TWF1: variants seen among roughly 807,000 people sequenced by gnomAD.
The protein encoded by TWF1 is twinfilin actin binding protein 1, also known as twinfilin-1.
A neutral mutation model predicts 47.9 loss-of-function variants in TWF1; 14 were observed. The observed-to-expected ratio is 0.29, with a 90% confidence interval of 0.19 to 0.46. TWF1 has a LOEUF of 0.46. Among genes scored for constraint, TWF1 ranks in the 20% least tolerant of loss-of-function variants. The pLI, the probability that TWF1 is intolerant of heterozygous loss-of-function variation, is 1.00. For missense variants in TWF1, 281 were observed against 409.3 expected (o/e 0.69, Z 2.70); for synonymous variants, 96 against 139.2 (o/e 0.69, Z 2.18).
chr12:43,797,030 C>T lies in TWF1; in HGVS notation c.828G>A (p.Lys276=), dbSNP rs764948734. The T allele has an allele frequency of 2.5e-5, 41 of 1,611,776 alleles. No individual in the cohort carries two copies. Among genetic ancestry groups the T allele is most frequent in the Non-Finnish European group, 3.2e-5 (38 of 1,179,256 alleles). Reference sequence around the variant, plus strand: ...TTTCTACAATTTCTAGCAGACGGCTCTTGCAGCTAGAATACAGCATCCGCT... The same window carrying T: ...TTTCTACAATTTCTAGCAGACGGCTTTTGCAGCTAGAATACAGCATCCGCT... ...IRERMLYSSC[K]SRLLEIVERQ... The change falls in exon 8 of 9, where the codon AAG becomes AAA. Residue 276 remains lysine (K), a synonymous_variant. Coordinates refer to ENST00000395510, the MANE Select transcript of TWF1 (RefSeq NM_002822.5).
Position 43,793,899 on chromosome 12 carries a change from T to C in TWF1, c.*1686A>G, listed in dbSNP as rs1222307849. ...TGAGTTATACTCTATAACAAATGCATCACTGATTTTCAGCAATCATTGGTT... is the reference window on the plus strand; with the variant it reads ...TGAGTTATACTCTATAACAAATGCACCACTGATTTTCAGCAATCATTGGTT... On this transcript the variant is annotated 3_prime_UTR_variant, in exon 9 of 9. Coordinates refer to ENST00000395510, the MANE Select transcript of TWF1 (RefSeq NM_002822.5). 6.6e-5 allele frequency: 10 copies of C among 152,666 alleles called. No homozygotes were observed. Among genetic ancestry groups the C allele is most frequent in the African/African-American group, 2.4e-5 (1 of 41,458 alleles). The allele number at this position is 152,666 out of a possible 1,614,324, so 9.5% of individuals were successfully genotyped here.
At chr12:43,806,153 G>T in intron 1 of TWF1, 68 bp downstream of exon 1, 1 of 1,390,558 alleles carries the variant, frequency 7.2e-7, no homozygotes. Context: ...TGCCGGTCCT[G>T]CAGCCCTCCC....
intron 5 of TWF1, chr12:43,798,591 T>A (rs1942600278): frequency 2.0e-6 from 3 of 1,518,914 alleles, no homozygotes; most frequent in Non-Finnish European, 8.8e-7. Context: ...GGGCTCTGAT[T>A]GCAAGAAATA....
intron 1 of TWF1, chr12:43,805,896 A>G (rs1565703201): frequency 1.4e-6 from 2 of 1,468,538 alleles, no homozygotes; most frequent in Non-Finnish European, 1.8e-6. Flanking sequence ...CTACGTGACC[A>G]AAAGGGGGAA....
At chr12:43,805,270 A>G (rs866280136) in intron 1 of TWF1, among the ~76,000 whole-genome samples, 1 of 152,272 alleles carries the variant, frequency 6.6e-6, no homozygotes, top group South Asian at 2.1e-4. Flanking sequence ...GTCAATAACT[A>G]CATATTTATA....
intron 2 of TWF1, among the ~76,000 whole-genome samples, chr12:43,803,122 ATG>A (rs1225279037): frequency 2.0e-5 from 3 of 152,184 alleles, no homozygotes; most frequent in Non-Finnish European, 4.4e-5. Context: ...TGCAAAAATA[ATG>A]TGTGGCATAG....
At chr12:43,801,984 T>C (rs1250343909) in intron 3 of TWF1, among the ~76,000 whole-genome samples, 1 of 152,124 alleles carries the variant, frequency 6.6e-6, no homozygotes, top group Non-Finnish European at 1.5e-5. Flanking sequence ...GAGCCGAAAC[T>C]GCACCACAGC....
chr12:43,804,628 TA>T (rs1378754447), intron 1 of TWF1, 56 bp from the exon 2 acceptor site: 13 of 1,221,680 alleles, frequency 1.1e-5, no homozygotes, highest in Middle Eastern at 4.8e-4. Flanking sequence ...AATACTTTCC[TA>T]TCTATATTGG....
In TWF1 at chr12:43,795,726, A is replaced by G; in HGVS notation, c.912T>C (p.Thr304=). 6.2e-7 allele frequency: 1 copy of G among 1,613,968 alleles called. No individual in the cohort carries two copies. The highest frequency in any genetic ancestry group is 8.5e-7 in the Non-Finnish European group (1 of 1,179,856). Residue 304 remains threonine (T), a synonymous_variant, in exon 9 of 9, where the codon ACT becomes ACC. Coordinates refer to ENST00000395510, the MANE Select transcript of TWF1 (RefSeq NM_002822.5). The part of the protein sequence containing the change: ...KIEIDNGDEL[T]ADFLYEEVHP... ...GTACTTCTTCATAAAGGAAGTCTGC[A>G]GTCAACTCATCCCCATTGTCTATCT...
intron 2 of TWF1, among the ~76,000 whole-genome samples, chr12:43,803,979 G>T (rs1423080529): frequency 6.6e-6 from 1 of 152,058 alleles, no homozygotes; most frequent in African/African-American, 2.4e-5. Flanking sequence ...CCTGTTTACA[G>T]AATTATTTTT....
At chr12:43,801,199 C>T (rs1389021358) in intron 3 of TWF1, among the ~76,000 whole-genome samples, 27 of 152,084 alleles carry the variant, frequency 1.8e-4, no homozygotes, top group Admixed American at 1.4e-3. Flanking sequence ...TCAAAGATTA[C>T]GAATTAAGTT....
intron 7 of TWF1, 102 bp from the exon 8 acceptor site, chr12:43,797,199 A>C (rs1423570176): frequency 6.7e-7 from 1 of 1,482,104 alleles, no homozygotes; most frequent in Admixed American, 2.2e-5. Flanking sequence ...AAACTTCATA[A>C]AACTACAGCT....
intron 8 of TWF1, 39 bp from the exon 9 acceptor site, chr12:43,795,794 T>A (rs754819876): frequency 1.9e-6 from 3 of 1,599,466 alleles, no homozygotes; most frequent in Non-Finnish European, 2.6e-6. Flanking sequence ...ATTCAAAACC[T>A]AATACAAGCA....
intron 5 of TWF1, 110 bp from the exon 6 acceptor site, chr12:43,797,943 ATAAT>A: frequency 1.8e-6 from 2 of 1,126,486 alleles, no homozygotes; most frequent in Non-Finnish European, 2.5e-6. Flanking sequence ...AGCCCAACCT[ATAAT>A]TAAAATTATT....
intron 2 of TWF1, among the ~76,000 whole-genome samples, chr12:43,803,460 G>A (rs933180872): frequency 6.6e-6 from 1 of 152,006 alleles, no homozygotes; most frequent in Admixed American, 6.5e-5. Flanking sequence ...ATAAAGGGGA[G>A]ATATAGGTAT....
At chr12:43,804,337 T>C (rs530937157) in intron 2 of TWF1, 158 bp downstream of exon 2, 14 of 606,774 alleles carry the variant, frequency 2.3e-5, no homozygotes, top group African/African-American at 3.8e-5. Flanking sequence ...TAGGGGCCCA[T>C]AGGGACCTGC....
In TWF1 at chr12:43,794,327, T is replaced by C. The variant is rs1942513043; in HGVS notation, c.*1258A>G. 6.6e-6 allele frequency: 1 copy of C among 152,650 alleles called. No individual in the cohort carries two copies. Among genetic ancestry groups the C allele is most frequent in the African/African-American group, 2.4e-5 (1 of 41,454 alleles). The allele number at this position is 152,650 out of a possible 1,614,324, so 9.5% of individuals were successfully genotyped here. A position where few individuals can be genotyped will look rare whatever the true frequency, so the allele number is the denominator to read the frequency against. On this transcript the variant is annotated 3_prime_UTR_variant, in exon 9 of 9. Transcript: ENST00000395510. ...CTGTCAACCCACAATTATTCTAATA[T>C]GCTTTACTTACTCGAACACAAATTT...
rs1942771795 is a variant in TWF1 at position 43,806,279 on chromosome 12, A to G, written c.-34T>C. On this transcript the variant is annotated 5_prime_UTR_variant, in exon 1 of 9. Transcript: ENST00000395510. ...CCGCTAGCTCCCGGCTCCGGCGCTG[A>G]GTGCAGCCAGCGGCCCCGGCCGGCG... The G allele has an allele frequency of 3.4e-6, 5 of 1,488,590 alleles. No homozygotes were observed. Among genetic ancestry groups the G allele is most frequent in the South Asian group, 1.3e-5 (1 of 79,084 alleles). The allele number at this position is 1,488,590 out of a possible 1,614,324, so 92.2% of individuals were successfully genotyped here. A position where few individuals can be genotyped will look rare whatever the true frequency, so the allele number is the denominator to read the frequency against.
Position 43,804,576 on chromosome 12 carries a change from T to C in TWF1, c.26-4A>G. ...ATCTCTTTAACATCTTCACTTGCTG[T>C]GGAAAAAGATAAAGAAAGTAAACTT... On this transcript the variant is annotated splice_region_variant and splice_polypyrimidine_tract_variant and intron_variant, in intron 1 of 8. Coordinates refer to ENST00000395510, the MANE Select transcript of TWF1 (RefSeq NM_002822.5). 1.3e-6 allele frequency: 2 copies of C among 1,588,264 alleles called. No homozygotes were observed. The highest frequency in any genetic ancestry group is 1.7e-6 in the Non-Finnish European group (2 of 1,168,084).
Sources: gnomAD v4.1 joint callset for allele counts (sites outside exome capture counted in the v4.1 genomes callset) on GRCh38, gnomAD v4.1.1 for gene constraint, MANE v1.5 for transcripts, NCBI Gene and HGNC (gene_info 2026-07-23, HGNC 2026-07-21) for gene names.